The following GULP1 variants were observed in gnomAD, a reference collection of about 807,000 sequenced individuals.
GULP1 encodes GULP PTB domain containing engulfment adaptor 1, also known as PTB domain-containing engulfment adapter protein 1.
In GULP1, 19 loss-of-function variants were observed where a neutral mutation model predicts 40.9. The ratio of observed to expected loss-of-function variants is 0.46; its 90% CI spans 0.32 to 0.68. The LOEUF is 0.68. Among genes scored for constraint, GULP1 ranks in the 30% least tolerant of loss-of-function variants. GULP1 has a pLI of 0.03. For missense variants in GULP1, 312 were observed against 362.2 expected (o/e 0.86, Z 1.12); for synonymous variants, 119 against 117.6 (o/e 1.01, Z -0.08).
intron 2 of GULP1, among the ~76,000 whole-genome samples, chr2:188,411,134 T>C (rs2053823666): frequency 6.6e-6 from 1 of 151,790 alleles, no homozygotes; most frequent in Non-Finnish European, 1.5e-5. Context: ...GGGGCATGGC[T>C]GTGACTCTTT....
intron 6 of GULP1, among the ~76,000 whole-genome samples, chr2:188,540,200 T>C (rs1690080186): frequency 6.6e-6 from 1 of 152,066 alleles, no homozygotes; most frequent in African/African-American, 2.4e-5. Context: ...AAAGGAATAG[T>C]TGATTTTTCT....
chr2:188,490,327 C>T (rs78220788), intron 4 of GULP1, among the ~76,000 whole-genome samples: 1,686 of 152,080 alleles, frequency 0.011, 36 homozygotes, highest in African/African-American at 0.038. Context: ...CTATTTATTG[C>T]GATATACTGT....
rs958799674 is a variant in GULP1 at position 188,541,117 on chromosome 2, C to T, written c.262-64C>T. 12 of 1,367,048 alleles carry T rather than the reference C, an allele frequency of 8.8e-6. 1 individual carries two copies. The highest frequency in any genetic ancestry group is 1.9e-4 in the Middle Eastern group (1 of 5,134). The allele number at this position is 1,367,048 out of a possible 1,614,324, so 84.7% of individuals were successfully genotyped here. On this transcript the variant is annotated intron_variant, in intron 6 of 11. Transcript: ENST00000409830. ...TAAAGTCACATGTTATTAACACAAA[C>T]GAGTATTTCAGAAAATGAAAAAAGA...
chr2:188,486,779 A>C (rs1442168630), intron 4 of GULP1, among the ~76,000 whole-genome samples: 1 of 151,930 alleles, frequency 6.6e-6, no homozygotes, highest in Non-Finnish European at 1.5e-5. Flanking sequence ...TGACAGCATT[A>C]ATATTAGTTC....
chr2:188,448,149 C>A (rs1289384181), intron 2 of GULP1, among the ~76,000 whole-genome samples: 1 of 152,202 alleles, frequency 6.6e-6, no homozygotes, highest in East Asian at 1.9e-4. Context: ...GTGGTAAAAT[C>A]GCAAATTAGA....
rs113574086 is a variant in GULP1 at position 188,333,737 on chromosome 2, A to C, written c.-172+41571A>C. 6.7e-3 allele frequency among the ~76,000 whole-genome samples: 1,014 copies of C among 152,284 alleles called. 17 individuals carry two copies. Among genetic ancestry groups the C allele is most frequent in the African/African-American group, 0.023 (969 of 41,558 alleles). The stretch of plus-strand genomic sequence containing the variant: ...CTCTTACTTGAATTTTAATGACAAT[A>C]CTACCACTCTGAATTTTGTTATGTG... On this transcript the variant is annotated intron_variant, in intron 1 of 11. Coordinates refer to ENST00000409830, the MANE Select transcript of GULP1 (RefSeq NM_016315.4).
At chr2:188,540,388 A>G (rs1690144551) in intron 6 of GULP1, among the ~76,000 whole-genome samples, 1 of 151,510 alleles carries the variant, frequency 6.6e-6, no homozygotes, top group African/African-American at 2.4e-5. Context: ...AAATATTTTT[A>G]TTTTAATGAT....
intron 2 of GULP1, among the ~76,000 whole-genome samples, chr2:188,475,100 G>T (rs905178640): frequency 9.9e-5 from 15 of 152,102 alleles, no homozygotes; most frequent in African/African-American, 3.6e-4. Context: ...ACACGTTGGG[G>T]TACTGAACAA....
intron 7 of GULP1, among the ~76,000 whole-genome samples, chr2:188,557,310 C>G (rs1327715415): frequency 6.6e-6 from 1 of 152,212 alleles, no homozygotes; most frequent in Non-Finnish European, 1.5e-5. Context: ...ACTTATGAGA[C>G]TGCAAAATCC....
intron 4 of GULP1, among the ~76,000 whole-genome samples, chr2:188,517,137 A>T (rs1386000007): frequency 1.3e-5 from 2 of 152,030 alleles, no homozygotes; most frequent in Non-Finnish European, 2.9e-5. Context: ...TAATTAACAG[A>T]TAATATTGTA....
chr2:188,397,467 A>G (rs904447213), intron 2 of GULP1, among the ~76,000 whole-genome samples: 1 of 152,230 alleles, frequency 6.6e-6, no homozygotes, highest in Non-Finnish European at 1.5e-5. Context: ...ATTATTTATA[A>G]TTACAGATAT....
chr2:188,351,966 A>T lies in GULP1; in HGVS notation c.-171-31797A>T, dbSNP rs1574637464. 3.3e-5 allele frequency among the ~76,000 whole-genome samples: 5 copies of T among 150,682 alleles called. No homozygotes were observed. The South Asian group carries it at 1.0e-3, about 32-fold the overall frequency. ...TAGCTAAGTTTCTCTTAACTATCCC[A>T]TTTTTTTTTGTCTGGCATGTATCCC... On this transcript the variant is annotated intron_variant, in intron 1 of 11. Coordinates refer to ENST00000409830, the MANE Select transcript of GULP1 (RefSeq NM_016315.4).
At chr2:188,341,122 G>A (rs1382151213) in intron 1 of GULP1, among the ~76,000 whole-genome samples, 3 of 152,070 alleles carry the variant, frequency 2.0e-5, no homozygotes, top group African/African-American at 4.8e-5. Context: ...GAGAGGTGGG[G>A]CTTCACCAGG....
In GULP1 at chr2:188,368,240, A is replaced by C. The variant is rs116538173; in HGVS notation, c.-171-15523A>C. Among the ~76,000 whole-genome samples, 797 of 152,296 alleles carry C rather than the reference A, an allele frequency of 5.2e-3. 6 individuals carry two copies. The highest frequency in any genetic ancestry group is 0.018 in the African/African-American group (766 of 41,568). Reference sequence around the variant, plus strand: ...GTTGAGGGATCTATAAAACTGAGAAAGAATGTGTTTTTTCTGCGACATTGA... The same window carrying C: ...GTTGAGGGATCTATAAAACTGAGAACGAATGTGTTTTTTCTGCGACATTGA... On this transcript the variant is annotated intron_variant, in intron 1 of 11. Coordinates refer to ENST00000409830, the MANE Select transcript of GULP1 (RefSeq NM_016315.4).
At chr2:188,525,661 C>T (rs965797451) in intron 5 of GULP1, among the ~76,000 whole-genome samples, 3 of 152,136 alleles carry the variant, frequency 2.0e-5, no homozygotes, top group Admixed American at 6.5e-5. Flanking sequence ...ACCCAGTGGG[C>T]AGCATTCCTG....
intron 10 of GULP1, among the ~76,000 whole-genome samples, chr2:188,587,332 C>T (rs906067771): frequency 1.3e-5 from 2 of 152,016 alleles, no homozygotes; most frequent in Admixed American, 6.6e-5. Context: ...AGAAAGGTGA[C>T]ATTTCATACT....
intron 4 of GULP1, among the ~76,000 whole-genome samples, chr2:188,494,625 G>A (rs1453750921): frequency 6.6e-6 from 1 of 151,930 alleles, no homozygotes; most frequent in Non-Finnish European, 1.5e-5. Flanking sequence ...TTCCAGTTCC[G>A]ATGCTGCTCC....
intron 4 of GULP1, among the ~76,000 whole-genome samples, chr2:188,488,009 A>G (rs953030617): frequency 6.6e-6 from 1 of 152,052 alleles, no homozygotes; most frequent in African/African-American, 2.4e-5. Flanking sequence ...CTCCACACAC[A>G]AAATATGTAA....
At chr2:188,584,533 T>C (rs904435478) in intron 10 of GULP1, 130 bp downstream of exon 10, 1 of 422,764 alleles carries the variant, frequency 2.4e-6, no homozygotes, top group African/African-American at 2.1e-5. Context: ...AGTATTATTT[T>C]TATATTTGTA....
Sources: gnomAD v4.1 joint callset for allele counts (sites outside exome capture counted in the v4.1 genomes callset) on GRCh38, gnomAD v4.1.1 for gene constraint, MANE v1.5 for transcripts, NCBI Gene and HGNC (gene_info 2026-07-23, HGNC 2026-07-21) for gene names.